CYP2D6: variants seen among roughly 807,000 people sequenced by gnomAD.
The protein encoded by CYP2D6 is cytochrome P450 2D6.
In CYP2D6, 51 loss-of-function variants were observed where a neutral mutation model predicts 43.5. That is an observed-to-expected ratio of 1.17 (90% CI 0.94 to 1.48). CYP2D6 has a LOEUF of 1.48. CYP2D6 is among the 40% of genes most tolerant of loss of function. The probability of loss-of-function intolerance (pLI) is 0.00; values close to 1 mark genes in which losing one functional copy is unlikely to be tolerated. For missense variants in CYP2D6, 698 were observed against 688.0 expected (o/e 1.01, Z -0.16); for synonymous variants, 346 against 297.1 (o/e 1.16, Z -1.69).
chr22:42,128,470 C>A (rs1453193952), intron 4 of CYP2D6, 120 bp from the exon 5 acceptor site: 23 of 1,182,598 alleles, frequency 1.9e-5, no homozygotes, highest in Non-Finnish European at 2.9e-5. Flanking sequence ...ACTGACCTCA[C>A]CAAGTCCCTC....
chr22:42,129,747 G>A lies in CYP2D6; in HGVS notation c.343C>T (p.Arg115Cys), dbSNP rs751080276. 1.2e-5 allele frequency: 19 copies of A among 1,609,846 alleles called. 2 individuals carry two copies. The highest frequency in any genetic ancestry group is 2.2e-5 in the East Asian group (1 of 44,744). ...PITQILGFGP[R>C]SQGVFLARYG... is the part of the protein sequence containing the mutation. ...CCCCACCGCTGCTTGCCTTGGGAAC[G>A]CGGCCCGAAACCCAGGATCTGGGTG... The change falls in exon 2 of 9, where the codon CGT (arginine) becomes TGT (cysteine). Residue 115 changes from arginine to cysteine, a missense_variant. By Grantham distance (180) the Arg-to-Cys change is radical (BLOSUM62 -3). This residue lies in a region of CYP2D6 where 588 missense variants were observed against 521.1 expected (regional missense o/e 1.13). Coordinates refer to ENST00000645361, the MANE Select transcript of CYP2D6 (RefSeq NM_000106.6).
rs201297021 is a variant in CYP2D6 at position 42,127,894 on chromosome 22, C to G, written c.933G>C (p.Ser311=). 1.2e-6 allele frequency: 2 copies of G among 1,611,122 alleles called. No homozygotes were observed. The highest frequency in any genetic ancestry group is 1.7e-5 in the Admixed American group (1 of 59,914). The change falls in exon 6 of 9, where the codon TCG becomes TCC. Residue 311 remains serine (S), a synonymous_variant. Transcript: ENST00000645361. ...GCAGGAGGCCCCAGGCCAGCGTGGTCGAGGTGGTCACCATCCCGGCAGAGA... is the reference window on the plus strand; with the variant it reads ...GCAGGAGGCCCCAGGCCAGCGTGGTGGAGGTGGTCACCATCCCGGCAGAGA... ...DLFSAGMVTT[S]TTLAWGLLLM...
chr22:42,129,262 C>A, intron 2 of CYP2D6, 77 bp from the exon 3 acceptor site: 1 of 1,531,594 alleles, frequency 6.5e-7, no homozygotes, highest in East Asian at 2.3e-5. Context: ...CAACCCTATG[C>A]TCCCCCTGGT....
rs1602573633 is a variant in CYP2D6, at chr22:42,128,249, A to G, written c.768T>C (p.Thr256=). ...AFLTQLDELL[T]EHRMTWDPAQ... is the part of the protein sequence containing the mutation. ...CTGGGTCCCAGGTCATCCTGTGCTC[A>G]GTTAGCAGCTCATCCAGCTGGGTCA... The change falls in exon 5 of 9, where the codon ACT becomes ACC. Residue 256 remains threonine (T), a synonymous_variant. Transcript: ENST00000645361. The G allele has an allele frequency of 6.2e-7, 1 of 1,610,244 alleles. No homozygotes were observed. Among genetic ancestry groups the G allele is most frequent in the East Asian group, 2.2e-5 (1 of 44,732 alleles).
rs267608310 is a variant in CYP2D6 at position 42,129,836 on chromosome 22, G to A, written c.254C>T (p.Ala85Val). The part of the protein sequence containing the change: ...WTPVVVLNGL[A>V]AVREALVTHG... Reference sequence around the variant, plus strand: ...GGTCACCAGCGCCTCGCGCACGGCCGCCAGCCCATTGAGCACGACCACCGG... The same window carrying A: ...GGTCACCAGCGCCTCGCGCACGGCCACCAGCCCATTGAGCACGACCACCGG... Residue 85 changes from alanine (A) to valine (V), a missense_variant, in exon 2 of 9, where the codon GCG becomes GTG. Transcript: ENST00000645361. 53 of 1,598,450 alleles carry A rather than the reference G, an allele frequency of 3.3e-5. 1 individual carries two copies. The highest frequency in any genetic ancestry group is 1.3e-4 in the Admixed American group (8 of 59,430).
chr22:42,129,177 G>C lies in CYP2D6; in HGVS notation c.361C>G (p.Leu121Val). 1.2e-6 allele frequency: 2 copies of C among 1,604,962 alleles called. No individual in the cohort carries two copies. Among genetic ancestry groups the C allele is most frequent in the Non-Finnish European group, 1.7e-6 (2 of 1,177,976 alleles). ...CGCCACGCGGGCCCATAGCGCGCCA[G>C]GAACACCCCTGGGGGTGGGACGGGC... is the stretch of plus-strand genomic sequence containing the variant. ...GFGPRSQGVFLARYGPAWREQ... is the reference protein window; with the variant it reads ...GFGPRSQGVFVARYGPAWREQ... The change falls in exon 3 of 9, where the codon CTG becomes GTG. Residue 121 changes from leucine to valine, a missense_variant. Leu to Val is a conservative substitution (Grantham distance 32, BLOSUM62 1). Transcript: ENST00000645361.
Position 42,130,673 on chromosome 22 carries a change from A to T in CYP2D6, c.119T>A (p.Leu40Gln), listed in dbSNP as rs770891169. The T allele has an allele frequency of 8.7e-6, 14 of 1,608,712 alleles. 1 individual carries two copies. Among genetic ancestry groups the T allele is most frequent in the Admixed American group, 1.7e-5 (1 of 59,622 alleles). The part of the protein sequence containing the change: ...AARYPPGPLP[L>Q]PGLGNLLHVD... ...ATGCAGCAGGTTGCCCAGCCCGGGC[A>T]GTGGCAGGGGGCCTGGTGGGTAGCG... Residue 40 changes from leucine (L) to glutamine (Q), a missense_variant, in exon 1 of 9, where the codon CTG (leucine) becomes CAG (glutamine). This residue lies in a region of CYP2D6 where 588 missense variants were observed against 521.1 expected (regional missense o/e 1.13). Transcript: ENST00000645361.
chr22:42,128,661 G>T (rs1931401623), intron 4 of CYP2D6, 123 bp downstream of exon 4: 2 of 1,164,622 alleles, frequency 1.7e-6, no homozygotes, highest in Non-Finnish European at 2.5e-6. Flanking sequence ...TTACAGTGGG[G>T]TCTCCTGGAA....
At position 42,127,829 on chromosome 22, in the gene CYP2D6, C is replaced by T; in HGVS notation, c.985+13G>A. On this transcript the variant is annotated intron_variant, in intron 6 of 8. Transcript: ENST00000645361. Reference sequence around the variant, plus strand: ...CTCCCTCGGCCCCTGCACTGTTTCCCAGATGGGCTCACGCTGCACATCCGG... The same window carrying T: ...CTCCCTCGGCCCCTGCACTGTTTCCTAGATGGGCTCACGCTGCACATCCGG... 6.2e-7 allele frequency: 1 copy of T among 1,610,762 alleles called. No individual in the cohort carries two copies. The highest frequency in any genetic ancestry group is 8.5e-7 in the Non-Finnish European group (1 of 1,177,862).
In CYP2D6 at chr22:42,127,988, G is replaced by A. The variant is rs888621146; in HGVS notation, c.844-5C>T. ...GCTCTCAGGGTTCCCCTTGGCCTGAGCAGGGCCGAGAGCATACTCGGGACA... is the reference window on the plus strand; with the variant it reads ...GCTCTCAGGGTTCCCCTTGGCCTGAACAGGGCCGAGAGCATACTCGGGACA... On this transcript the variant is annotated splice_region_variant and splice_polypyrimidine_tract_variant and intron_variant, in intron 5 of 8. Transcript: ENST00000645361. 1.9e-6 allele frequency: 3 copies of A among 1,611,382 alleles called. 1 individual carries two copies. Among genetic ancestry groups the A allele is most frequent in the Non-Finnish European group, 2.5e-6 (3 of 1,178,302 alleles).
chr22:42,127,539 G>A lies in CYP2D6; in HGVS notation c.1081C>T (p.His361Tyr), dbSNP rs767813692. The change falls in exon 7 of 9, where the codon CAT becomes TAT. Residue 361 changes from histidine to tyrosine, a missense_variant. By Grantham distance (83) the His-to-Tyr change is moderately conservative (BLOSUM62 2). Coordinates refer to ENST00000645361, the MANE Select transcript of CYP2D6 (RefSeq NM_000106.6). ...ATGTCCCCAAAGCGCTGCACCTCAT[G>A]AATCACGGCAGTGGTGTAGGGCATG... Reference protein sequence around the residue: ...AHMPYTTAVIHEVQRFGDIVP... With the variant: ...AHMPYTTAVIYEVQRFGDIVP... The A allele has an allele frequency of 6.6e-5, 106 of 1,611,994 alleles. 3 individuals carry two copies. The highest frequency in any genetic ancestry group is 8.5e-5 in the Non-Finnish European group (100 of 1,178,666).
In CYP2D6 at chr22:42,129,389, C is replaced by T. The variant is rs1375307145; in HGVS notation, c.353-204G>A. 3 of 844,652 alleles carry T rather than the reference C, an allele frequency of 3.6e-6. 1 individual carries two copies. Among genetic ancestry groups the T allele is most frequent in the Admixed American group, 4.0e-5 (2 of 50,076 alleles). 52.3% of individuals were successfully genotyped at this position (844,652 alleles called of 1,614,324 possible). On this transcript the variant is annotated intron_variant, in intron 2 of 8. Transcript: ENST00000645361. ...ACCTCGTCTCTGCCCACCCTGACCGCCTTTGCACTCAGGGAAGACCCCGCG... is the reference window on the plus strand; with the variant it reads ...ACCTCGTCTCTGCCCACCCTGACCGTCTTTGCACTCAGGGAAGACCCCGCG...
intron 7 of CYP2D6, among the ~76,000 whole-genome samples, chr22:42,127,241 T>C (rs1349485563): frequency 6.6e-6 from 1 of 151,532 alleles, no homozygotes. Context: ...AGGTCCTGGT[T>C]TGTCTCCCCA....
chr22:42,129,603 G>C, intron 2 of CYP2D6, 135 bp downstream of exon 2: 1 of 1,230,506 alleles, frequency 8.1e-7, no homozygotes, highest in Non-Finnish European at 1.2e-6. Flanking sequence ...AGTGCAGGTG[G>C]TTTCTTGGCC....
Position 42,128,312 on chromosome 22 carries a change from C to T in CYP2D6, c.705G>A (p.Ala235=), listed in dbSNP as rs371769791. The T allele has an allele frequency of 1.6e-5, 26 of 1,610,436 alleles. No homozygotes were observed. The African/African-American group carries it at 2.2e-4, about 13-fold the overall frequency. The change falls in exon 5 of 9, where the codon GCG becomes GCA. Residue 235 remains alanine (A), a synonymous_variant. Coordinates refer to ENST00000645361, the MANE Select transcript of CYP2D6 (RefSeq NM_000106.6). ...NAVPVLLHIP[A]LAGKVLRFQK... is the part of the protein sequence containing the mutation. ...GGAAGCGTAGGACCTTGCCAGCCAG[C>T]GCTGGGATATGCAGGAGGACGGGGA...
At position 42,130,793 on chromosome 22, in the gene CYP2D6, C is replaced by G. The variant is rs369385518; in HGVS notation, c.-2G>C. The G allele has an allele frequency of 1.7e-4, 264 of 1,563,910 alleles. 13 individuals are homozygous for G. The highest frequency in any genetic ancestry group is 1.2e-3 in the African/African-American group (89 of 72,994). ...GGGCACCAGTGCTTCTAGCCCCATA[C>G]CTGCCTCACTACCAAATGGGCTCCT... On this transcript the variant is annotated 5_prime_UTR_variant, in exon 1 of 9. Transcript: ENST00000645361.
Position 42,128,350 on chromosome 22 carries a change from C to T in CYP2D6, c.667G>A (p.Val223Met), listed in dbSNP as rs544790460. ...LKEESGFLRE[V>M]LNAVPVLLHI... ...AGGAGGACGGGGACAGCATTCAGCA[C>T]CTACACCAGACAGAACGGGGTCTCA... The change falls in exon 5 of 9, where the codon GTG becomes ATG. Residue 223 changes from valine to methionine, a missense_variant and splice_region_variant. Physicochemically the swap from Val to Met is conservative, Grantham distance 21. Transcript: ENST00000645361. The T allele has an allele frequency of 1.4e-5, 23 of 1,610,178 alleles. No homozygotes were observed. The highest frequency in any genetic ancestry group is 1.7e-5 in the Non-Finnish European group (20 of 1,177,646).
chr22:42,129,312 C>G (rs1400939127), intron 2 of CYP2D6, 127 bp from the exon 3 acceptor site: 1 of 1,263,698 alleles, frequency 7.9e-7, no homozygotes, highest in East Asian at 2.4e-5. Context: ...GTCACAGGGC[C>G]CACTCTTTGT....
Position 42,129,817 on chromosome 22 carries a change from C to A in CYP2D6, c.273G>T (p.Leu91=). The A allele has an allele frequency of 1.2e-6, 2 of 1,603,116 alleles. 1 individual carries two copies. Among genetic ancestry groups the A allele is most frequent in the Non-Finnish European group, 1.7e-6 (2 of 1,174,706 alleles). The change falls in exon 2 of 9, where the codon CTG becomes CTT. Residue 91 remains leucine, a synonymous_variant. Coordinates refer to ENST00000645361, the MANE Select transcript of CYP2D6 (RefSeq NM_000106.6). ...LNGLAAVREA[L]VTHGEDTADR... ...CGGCGGTGTCCTCGCCGTGGGTCAC[C>A]AGCGCCTCGCGCACGGCCGCCAGCC...
Sources: gnomAD v4.1 joint callset for allele counts (sites outside exome capture counted in the v4.1 genomes callset) on GRCh38, gnomAD v4.1.1 for gene constraint, gnomAD v4.1.1 regional missense constraint, MANE v1.5 for transcripts, NCBI Gene and HGNC (gene_info 2026-07-23, HGNC 2026-07-21) for gene names.